ABCA12: variants seen among roughly 807,000 people sequenced by gnomAD.
ABCA12 encodes ATP binding cassette subfamily A member 12.
ABCA12 carries 156 observed loss-of-function variants against 293.5 expected under a neutral mutation model. That is an observed-to-expected ratio of 0.53 (90% CI 0.47 to 0.61). The LOEUF is 0.61. ABCA12 is among the 20% of genes least tolerant of loss of function. The pLI, the probability that ABCA12 is intolerant of heterozygous loss-of-function variation, is 0.00. For synonymous variants in ABCA12, 1,063 were observed against 1,108.0 expected (o/e 0.96, Z 0.81); for missense variants, 2,797 against 3,090.2 (o/e 0.91, Z 2.25).
intron 2 of ABCA12, among the ~76,000 whole-genome samples, chr2:215,068,266 G>C (rs1406457055): frequency 6.6e-6 from 1 of 152,188 alleles, no homozygotes; most frequent in Non-Finnish European, 1.5e-5. Flanking sequence ...TAATTCTGAT[G>C]CACAGTGAAG....
chr2:215,059,877 G>C (rs1260478736), intron 3 of ABCA12, among the ~76,000 whole-genome samples: 2 of 151,956 alleles, frequency 1.3e-5, no homozygotes, highest in Non-Finnish European at 2.9e-5. Context: ...CTATGCAACT[G>C]CCTCTATTTT....
At chr2:215,018,605 G>A (rs945992266) in intron 13 of ABCA12, among the ~76,000 whole-genome samples, 17 of 151,876 alleles carry the variant, frequency 1.1e-4, no homozygotes. Context: ...AGTTATAAAG[G>A]GTTTTTACAA....
chr2:215,039,750 T>C (rs1310861183), intron 7 of ABCA12, among the ~76,000 whole-genome samples: 2 of 149,780 alleles, frequency 1.3e-5, no homozygotes, highest in Non-Finnish European at 3.0e-5. Context: ...GCAAGACTCC[T>C]TCTCACAAAA....
At chr2:215,090,262 A>T (rs1194242109) in intron 2 of ABCA12, among the ~76,000 whole-genome samples, 1 of 152,150 alleles carries the variant, frequency 6.6e-6, no homozygotes, top group African/African-American at 2.4e-5. Flanking sequence ...TTTATTGCTC[A>T]CACAAAGCCT....
intron 23 of ABCA12, among the ~76,000 whole-genome samples, chr2:214,991,771 A>G (rs1351807759): frequency 6.6e-6 from 1 of 152,220 alleles, no homozygotes; most frequent in East Asian, 1.9e-4. Flanking sequence ...CCAGAGGCCA[A>G]GGCGTTCCAC....
chr2:215,050,947 C>G, intron 5 of ABCA12: 8 of 364,580 alleles, frequency 2.2e-5, no homozygotes, highest in Non-Finnish European at 2.7e-5. Context: ...AATATGTATC[C>G]ATACATAGAA....
intron 34 of ABCA12, among the ~76,000 whole-genome samples, chr2:214,975,456 T>C (rs1185433603): frequency 6.6e-6 from 1 of 152,190 alleles, no homozygotes. Context: ...CTATTTAATA[T>C]TTGTGAGACC....
At position 215,025,675 on chromosome 2, in the gene ABCA12, T is replaced by C. The variant is rs759626782; in HGVS notation, c.1285A>G (p.Lys429Glu). The C allele has an allele frequency of 3.8e-6, 6 of 1,595,066 alleles. No individual in the cohort carries two copies. The highest frequency in any genetic ancestry group is 2.3e-5 in the South Asian group (2 of 86,912). The change falls in exon 11 of 53, where the codon AAA becomes GAA. Residue 429 changes from lysine to glutamate, a missense_variant and splice_region_variant. Coordinates refer to ENST00000272895, the MANE Select transcript of ABCA12 (RefSeq NM_173076.3). Reference protein sequence around the residue: ...FPPVPEVLKSKLSQLRNLTEL... With the variant: ...FPPVPEVLKSELSQLRNLTEL... ...TTTTTTTTACTTTCATGGCTTACTT[T>C]TGATTTTAGGACTTCAGGAACTGGA...
At chr2:214,951,895 C>T (rs1698785487) in intron 44 of ABCA12, among the ~76,000 whole-genome samples, 1 of 152,134 alleles carries the variant, frequency 6.6e-6, no homozygotes, top group South Asian at 2.1e-4. Context: ...TATTGTACCG[C>T]AGATATATCT....
At chr2:215,124,483 G>T (rs1056533192) in intron 1 of ABCA12, among the ~76,000 whole-genome samples, 1 of 151,968 alleles carries the variant, frequency 6.6e-6, no homozygotes, top group Non-Finnish European at 1.5e-5. Context: ...ACTCTTTTTT[G>T]ATTATGACCA....
At chr2:215,084,859 C>T (rs181641763) in intron 2 of ABCA12, among the ~76,000 whole-genome samples, 2 of 152,042 alleles carry the variant, frequency 1.3e-5, no homozygotes, top group Non-Finnish European at 2.9e-5. Context: ...TTTTGGAGGC[C>T]GAGTCGGGCA....
At position 215,015,543 on chromosome 2, in the gene ABCA12, G is replaced by A. The variant is rs1235462279; in HGVS notation, c.1903C>T (p.Leu635Phe). The A allele has an allele frequency of 1.2e-6, 2 of 1,614,128 alleles. No individual in the cohort carries two copies. The highest frequency in any genetic ancestry group is 2.2e-5 in the East Asian group (1 of 44,856). The stretch of plus-strand genomic sequence containing the variant: ...TAGTGCAGAAGGGTGAGTCCGATGA[G>A]GTAAGACTGCCGGGATCTCTCTGAA... ...SLSERSRQSY[L>F]IGLTLLHYLN... Residue 635 changes from leucine (L) to phenylalanine (F), a missense_variant, in exon 15 of 53, where the codon CTC (leucine) becomes TTC (phenylalanine). Leu to Phe is a conservative substitution (Grantham distance 22, BLOSUM62 0). This residue lies in a region of ABCA12 where 2,130 missense variants were observed against 2,427.0 expected (regional missense o/e 0.88). Transcript: ENST00000272895.
At chr2:215,066,818 A>G (rs1701648382) in intron 2 of ABCA12, among the ~76,000 whole-genome samples, 1 of 152,150 alleles carries the variant, frequency 6.6e-6, no homozygotes, top group African/African-American at 2.4e-5. Context: ...TTTTGCCGTA[A>G]TCTTTTAATC....
chr2:214,946,927 A>AT (rs1698599696), intron 48 of ABCA12, among the ~76,000 whole-genome samples: 1 of 152,100 alleles, frequency 6.6e-6, no homozygotes, highest in South Asian at 2.1e-4. Context: ...GATCCATCAC[A>AT]TCCTAAGCTA....
chr2:214,991,039 A>C lies in ABCA12; in HGVS notation c.3295-8T>G. The C allele has an allele frequency of 6.2e-7, 1 of 1,613,310 alleles. No individual in the cohort carries two copies. The highest frequency in any genetic ancestry group is 1.1e-5 in the South Asian group (1 of 91,074). ...ACCCATCATCTTCATGTACTGTAAG[A>C]AGAAAAAATGTGAGGCGCTTGTTAT... On this transcript the variant is annotated splice_region_variant and splice_polypyrimidine_tract_variant and intron_variant, in intron 23 of 52. Coordinates refer to ENST00000272895, the MANE Select transcript of ABCA12 (RefSeq NM_173076.3).
chr2:214,967,324 A>G (rs909056859), intron 38 of ABCA12, among the ~76,000 whole-genome samples: 2 of 152,260 alleles, frequency 1.3e-5, no homozygotes, highest in Middle Eastern at 3.4e-3. Flanking sequence ...GGTAATAAAA[A>G]CTAATGGAAT....
At chr2:215,066,800 G>A (rs146818039) in intron 2 of ABCA12, among the ~76,000 whole-genome samples, 58 of 152,150 alleles carry the variant, frequency 3.8e-4, no homozygotes, top group African/African-American at 1.3e-3. Context: ...GATGGCTTGC[G>A]TTATTTGTTT....
chr2:215,063,942 A>T, intron 3 of ABCA12, 124 bp downstream of exon 3: 1 of 1,168,546 alleles, frequency 8.6e-7, no homozygotes, highest in East Asian at 2.4e-5. Flanking sequence ...TATTTAGATC[A>T]TCACATTTAT....
At chr2:215,117,611 A>C (rs919075027) in intron 1 of ABCA12, among the ~76,000 whole-genome samples, 1 of 152,220 alleles carries the variant, frequency 6.6e-6, no homozygotes, top group Admixed American at 6.5e-5. Flanking sequence ...TTAGGTCATC[A>C]CTACTTTATT....
Sources: gnomAD v4.1 joint callset for allele counts (sites outside exome capture counted in the v4.1 genomes callset) on GRCh38, gnomAD v4.1.1 for gene constraint, gnomAD v4.1.1 regional missense constraint, MANE v1.5 for transcripts, NCBI Gene and HGNC (gene_info 2026-07-23, HGNC 2026-07-21) for gene names.